LRP1B: variants seen among roughly 807,000 people sequenced by gnomAD.
LRP1B encodes LDL receptor related protein 1B.
A neutral mutation model predicts 556.6 loss-of-function variants in LRP1B; 217 were observed. That is an observed-to-expected ratio of 0.39 (90% CI 0.35 to 0.44). The LOEUF is 0.44. Ranked by LOEUF, LRP1B falls within the 20% of genes least tolerant of loss-of-function variation. The probability of loss-of-function intolerance (pLI) is 1.00; values close to 1 mark genes in which losing one functional copy is unlikely to be tolerated. For synonymous variants in LRP1B, 2,047 were observed against 1,865.8 expected, an observed-to-expected ratio of 1.10 and a Z score of -2.50; for missense variants, 5,053 against 5,620.8, an observed-to-expected ratio of 0.90 and a Z score of 3.23.
At chr2:141,954,286 A>G (rs1251001898) in intron 1 of LRP1B, among the ~76,000 whole-genome samples, 1 of 152,132 alleles carries the variant, frequency 6.6e-6, no homozygotes, top group Non-Finnish European at 1.5e-5. Flanking sequence ...ATGAAGCTGG[A>G]TGCTACCTAA....
intron 2 of LRP1B, among the ~76,000 whole-genome samples, chr2:141,689,901 A>C (rs1206602937): frequency 6.6e-6 from 1 of 151,744 alleles, no homozygotes; most frequent in Non-Finnish European, 1.5e-5. Context: ...TGAAATGTAA[A>C]TTTTCTATAG....
chr2:140,471,441 A>G (rs1238655218), intron 60 of LRP1B, among the ~76,000 whole-genome samples: 1 of 152,172 alleles, frequency 6.6e-6, no homozygotes, highest in Non-Finnish European at 1.5e-5. Flanking sequence ...GTACAAATAT[A>G]TGCAAAACTA....
chr2:141,700,719 A>T (rs1177170391), intron 2 of LRP1B, among the ~76,000 whole-genome samples: 1 of 151,798 alleles, frequency 6.6e-6, no homozygotes, highest in East Asian at 1.9e-4. Context: ...TCCAGCCATA[A>T]AACCTAAAAA....
intron 1 of LRP1B, among the ~76,000 whole-genome samples, chr2:141,975,787 A>G (rs554998769): frequency 7.2e-5 from 11 of 152,160 alleles, no homozygotes; most frequent in Non-Finnish European, 1.5e-4. Flanking sequence ...AAGGCATTAA[A>G]CAATCTCTGA....
At chr2:140,288,885 C>G (rs536941792) in intron 84 of LRP1B, among the ~76,000 whole-genome samples, 1 of 151,878 alleles carries the variant, frequency 6.6e-6, no homozygotes, top group African/African-American at 2.4e-5. Context: ...ATGTACTCTT[C>G]CTTACATTGT....
At chr2:140,359,824 G>A (rs971249006) in intron 72 of LRP1B, among the ~76,000 whole-genome samples, 9 of 151,392 alleles carry the variant, frequency 5.9e-5, no homozygotes, top group African/African-American at 1.7e-4. Flanking sequence ...TTATCATCTC[G>A]TCTTACCCCT....
At chr2:141,404,609 C>G (rs1260775259) in intron 3 of LRP1B, among the ~76,000 whole-genome samples, 1 of 151,848 alleles carries the variant, frequency 6.6e-6, no homozygotes, top group Admixed American at 6.6e-5. Flanking sequence ...TAGAAAAATA[C>G]ATTTGGTTCA....
At chr2:141,037,909 C>A (rs67943439) in intron 11 of LRP1B, among the ~76,000 whole-genome samples, 1 of 104,936 alleles carries the variant, frequency 9.5e-6, no homozygotes, top group African/African-American at 3.1e-5. Context: ...CATACAAACA[C>A]ACACACACAC....
At chr2:140,658,801 T>G (rs1684981191) in intron 41 of LRP1B, among the ~76,000 whole-genome samples, 1 of 152,064 alleles carries the variant, frequency 6.6e-6, no homozygotes, top group African/African-American at 2.4e-5. Flanking sequence ...GATAATAGGT[T>G]GTTTATGTAC....
intron 2 of LRP1B, among the ~76,000 whole-genome samples, chr2:141,514,402 C>T (rs530179142): frequency 6.6e-6 from 1 of 152,278 alleles, no homozygotes; most frequent in African/African-American, 2.4e-5. Context: ...CTCGTTGGCC[C>T]TGCAAGGTGT....
At chr2:141,497,412 G>T (rs1168373110) in intron 2 of LRP1B, among the ~76,000 whole-genome samples, 1 of 151,872 alleles carries the variant, frequency 6.6e-6, no homozygotes, top group African/African-American at 2.4e-5. Context: ...CCTAATCTGG[G>T]TCTACTTGAA....
chr2:140,895,537 T>C (rs1254158932), intron 23 of LRP1B, among the ~76,000 whole-genome samples: 2 of 152,132 alleles, frequency 1.3e-5, no homozygotes, highest in East Asian at 1.9e-4. Flanking sequence ...GTGTGGCCCC[T>C]AGAGCCTCAG....
intron 41 of LRP1B, among the ~76,000 whole-genome samples, chr2:140,653,065 T>C (rs556119360): frequency 1.3e-5 from 2 of 152,168 alleles, no homozygotes; most frequent in South Asian, 2.1e-4. Context: ...GAAATGTTAA[T>C]AAGCATCATC....
chr2:141,400,208 G>T (rs558277955), intron 3 of LRP1B, among the ~76,000 whole-genome samples: 1 of 152,006 alleles, frequency 6.6e-6, no homozygotes, highest in Non-Finnish European at 1.5e-5. Context: ...CAAATTCCTG[G>T]GCTGAAGCAA....
chr2:140,763,997 A>T (rs1689016643), intron 35 of LRP1B, among the ~76,000 whole-genome samples: 1 of 152,136 alleles, frequency 6.6e-6, no homozygotes, highest in Non-Finnish European at 1.5e-5. Flanking sequence ...AATGGTTTTC[A>T]TAAAATCGAA....
At chr2:141,943,687 T>TA (rs1217990092) in intron 1 of LRP1B, among the ~76,000 whole-genome samples, 2 of 151,890 alleles carry the variant, frequency 1.3e-5, no homozygotes, top group Non-Finnish European at 2.9e-5. Context: ...TTTTTTTTTT[T>TA]ATTATTTACT....
At position 141,349,069 on chromosome 2, in the gene LRP1B, G is replaced by A. The variant is rs180803356; in HGVS notation, c.344-94428C>T. Among the ~76,000 whole-genome samples, 103 of 152,072 alleles carry A rather than the reference G, an allele frequency of 6.8e-4. 1 individual carries two copies. Among genetic ancestry groups the A allele is most frequent in the African/African-American group, 2.5e-3 (102 of 41,452 alleles). ...GTATAAATTACCCAGTTTCAGGTAT[G>A]TCTTTATCAACAGTGTGAAAACGGA... On this transcript the variant is annotated intron_variant, in intron 3 of 90. Coordinates refer to ENST00000389484, the MANE Select transcript of LRP1B (RefSeq NM_018557.3).
chr2:141,982,283 G>A (rs1003038479), intron 1 of LRP1B, among the ~76,000 whole-genome samples: 4 of 152,136 alleles, frequency 2.6e-5, no homozygotes, highest in Admixed American at 6.6e-5. Flanking sequence ...ATCTAATTTA[G>A]AACAAGCATT....
intron 2 of LRP1B, among the ~76,000 whole-genome samples, chr2:141,637,358 T>G (rs1426554583): frequency 6.6e-6 from 1 of 152,166 alleles, no homozygotes; most frequent in Non-Finnish European, 1.5e-5. Context: ...AAACAGATAT[T>G]GCAATTAAAA....
Sources: gnomAD v4.1 joint callset for allele counts (sites outside exome capture counted in the v4.1 genomes callset) on GRCh38, gnomAD v4.1.1 for gene constraint, MANE v1.5 for transcripts, NCBI Gene and HGNC (gene_info 2026-07-23, HGNC 2026-07-21) for gene names.